The following DYNC2I1 variants were observed in gnomAD, a reference collection of about 807,000 sequenced individuals.
DYNC2I1 encodes the protein cytoplasmic dynein 2 intermediate chain 1.
Under a neutral mutation model 133.4 loss-of-function variants are expected in DYNC2I1, and 89 were observed. The ratio of observed to expected loss-of-function variants is 0.67; its 90% confidence interval spans 0.56 to 0.80. The LOEUF is 0.80. Among genes scored for constraint, DYNC2I1 ranks in the 30% least tolerant of loss-of-function variants. The probability of loss-of-function intolerance (pLI) is 0.00; values close to 1 mark genes in which losing one functional copy is unlikely to be tolerated. For missense variants in DYNC2I1, 1,291 were observed against 1,314.5 expected, an observed-to-expected ratio of 0.98 and a Z score of 0.28; for synonymous variants, 504 against 484.3, an observed-to-expected ratio of 1.04 and a Z score of -0.54.
chr7:158,913,206 AT>A (rs1847665754), intron 13 of DYNC2I1, 110 bp downstream of exon 13: 2 of 847,184 alleles, frequency 2.4e-6, no homozygotes, highest in Non-Finnish European at 3.6e-6. Context: ...TCTCTTCTGT[AT>A]GGTTGTTAGC....
At chr7:158,872,918 G>A (rs1584981967) in intron 3 of DYNC2I1, among the ~76,000 whole-genome samples, 1 of 151,812 alleles carries the variant, frequency 6.6e-6, no homozygotes, top group Non-Finnish European at 1.5e-5. Context: ...TTGAACCCGG[G>A]AGGAGGAGGT....
intron 1 of DYNC2I1, among the ~76,000 whole-genome samples, chr7:158,861,382 C>T (rs1841854474): frequency 6.6e-6 from 1 of 152,174 alleles, no homozygotes. Flanking sequence ...TTGAGCTCCC[C>T]TAGCCCGGGT....
chr7:158,880,787 T>G (rs1843922018), intron 5 of DYNC2I1, among the ~76,000 whole-genome samples: 1 of 152,232 alleles, frequency 6.6e-6, no homozygotes, highest in Non-Finnish European at 1.5e-5. Context: ...TAGAGGTGTT[T>G]TAGCACCTTT....
downstream of DYNC2I1, among the ~76,000 whole-genome samples, chr7:158,956,944 G>T (rs930751822): frequency 2.1e-4 from 32 of 152,168 alleles, no homozygotes; most frequent in African/African-American, 7.7e-4. Context: ...CAGGGCTCCC[G>T]TGAGCTGCCG....
At chr7:158,884,657 G>A (rs375309019) in intron 6 of DYNC2I1, 38 bp downstream of exon 6, 1 of 1,605,098 alleles carries the variant, frequency 6.2e-7, no homozygotes, top group Non-Finnish European at 8.5e-7. Flanking sequence ...CTTTACGTGT[G>A]CCGCTCTCAT....
chr7:158,852,516 A>C (rs1002178991), upstream of DYNC2I1, among the ~76,000 whole-genome samples: 2 of 151,714 alleles, frequency 1.3e-5, no homozygotes, highest in African/African-American at 4.8e-5. Flanking sequence ...CAAGGTGGGC[A>C]GATCACAAGG....
At chr7:158,876,715 A>G in intron 4 of DYNC2I1, 24 bp downstream of exon 4, 2 of 1,525,722 alleles carry the variant, frequency 1.3e-6, no homozygotes, top group Non-Finnish European at 1.7e-6. Context: ...GGCCTGGGGA[A>G]AAGTTTTCCA....
At chr7:158,948,748 G>A (rs1439217086), downstream of DYNC2I1, among the ~76,000 whole-genome samples, 1 of 152,148 alleles carries the variant, frequency 6.6e-6, no homozygotes, top group Non-Finnish European at 1.5e-5. Flanking sequence ...TCCATTTGAC[G>A]TAAACTGGAG....
intron 8 of DYNC2I1, among the ~76,000 whole-genome samples, chr7:158,893,687 T>C (rs1323973846): frequency 6.6e-6 from 1 of 151,788 alleles, no homozygotes; most frequent in Non-Finnish European, 1.5e-5. Flanking sequence ...TATATCATAG[T>C]GCATATCCTA....
chr7:158,891,647 G>C (rs1445578039), intron 8 of DYNC2I1, among the ~76,000 whole-genome samples: 1 of 152,126 alleles, frequency 6.6e-6, no homozygotes, highest in Non-Finnish European at 1.5e-5. Flanking sequence ...TTGGAGGGAA[G>C]AGGTTTAGGG....
At chr7:158,884,284 A>G (rs959733204) in intron 5 of DYNC2I1, among the ~76,000 whole-genome samples, 2 of 151,872 alleles carry the variant, frequency 1.3e-5, no homozygotes, top group Admixed American at 6.6e-5. Context: ...ACCTCAGGTG[A>G]TGCGCCCGCC....
intron 5 of DYNC2I1, among the ~76,000 whole-genome samples, chr7:158,882,150 G>T (rs1221895117): frequency 6.6e-6 from 1 of 152,216 alleles, no homozygotes; most frequent in East Asian, 1.9e-4. Context: ...AAGACAAGCT[G>T]TTCCTATCTG....
the DYNC2I1 span, among the ~76,000 whole-genome samples, chr7:158,850,828 T>C: frequency 6.6e-6 from 1 of 152,108 alleles, no homozygotes; most frequent in South Asian, 2.1e-4. Context: ...TTACATAGGA[T>C]CTTGTTGCCT....
intron 10 of DYNC2I1, 139 bp downstream of exon 10, chr7:158,902,734 G>A (rs767966800): frequency 6.1e-5 from 45 of 736,972 alleles, no homozygotes; most frequent in Non-Finnish European, 9.5e-5. Context: ...GTGGTGCCAT[G>A]CCCTTGCAGC....
chr7:158,885,914 T>G (rs889881098), intron 6 of DYNC2I1, among the ~76,000 whole-genome samples: 1 of 151,954 alleles, frequency 6.6e-6, no homozygotes, highest in African/African-American at 2.4e-5. Context: ...AAATTGAGAA[T>G]CAGTTTGATA....
intron 24 of DYNC2I1, among the ~76,000 whole-genome samples, chr7:158,942,468 C>T (rs1227295305): frequency 6.6e-6 from 1 of 152,152 alleles, no homozygotes; most frequent in African/African-American, 2.4e-5. Flanking sequence ...AGGGTTCACT[C>T]TTGGGTTGTG....
chr7:158,854,911 A>G (rs2129475270), upstream of DYNC2I1, among the ~76,000 whole-genome samples: 1 of 152,332 alleles, frequency 6.6e-6, no homozygotes, highest in East Asian at 1.9e-4. Context: ...AGGCTGGCAA[A>G]ACATTTACAC....
intron 6 of DYNC2I1, 56 bp from the exon 7 acceptor site, chr7:158,886,965 T>A: frequency 6.6e-7 from 1 of 1,520,962 alleles, no homozygotes; most frequent in Non-Finnish European, 9.1e-7. Flanking sequence ...AATGTTTTAT[T>A]TTTTAAAAGC....
intron 23 of DYNC2I1, among the ~76,000 whole-genome samples, chr7:158,940,371 G>T (rs1026384498): frequency 6.6e-6 from 1 of 152,204 alleles, no homozygotes; most frequent in Non-Finnish European, 1.5e-5. Context: ...GTGGGGTTCA[G>T]GTGGTAATGC....
Sources: gnomAD v4.1 joint callset for allele counts (sites outside exome capture counted in the v4.1 genomes callset) on GRCh38, gnomAD v4.1.1 for gene constraint, MANE v1.5 for transcripts, NCBI Gene and HGNC (gene_info 2026-07-23, HGNC 2026-07-21) for gene names.